TXLNB: variants seen among roughly 807,000 people sequenced by gnomAD.
The protein encoded by TXLNB is beta-taxilin.
TXLNB carries 37 observed loss-of-function variants against 57.4 expected under a neutral mutation model. The ratio of observed to expected loss-of-function variants is 0.64; its 90% CI spans 0.50 to 0.85. The LOEUF (loss-of-function observed/expected upper bound fraction) is 0.85, where lower values mean the gene tolerates loss of function less well. Among genes scored for constraint, TXLNB ranks in the 40% least tolerant of loss-of-function variants. The pLI is 0.00. For missense variants in TXLNB, 848 were observed against 825.6 expected (o/e 1.03, Z -0.33); for synonymous variants, 302 against 309.6 (o/e 0.98, Z 0.26).
chr6:139,191,820 G>A, the TXLNB span, among the ~76,000 whole-genome samples: 1 of 152,126 alleles, frequency 6.6e-6, no homozygotes, highest in African/African-American at 2.4e-5. Context: ...AGCAACCACA[G>A]GGACGCGAGA....
At chr6:139,264,613 G>A (rs1222671471) in intron 4 of TXLNB, among the ~76,000 whole-genome samples, 1 of 152,186 alleles carries the variant, frequency 6.6e-6, no homozygotes, top group Non-Finnish European at 1.5e-5. Flanking sequence ...AGGCTGGAGT[G>A]CAGTGGCATG....
At chr6:139,255,355 G>A in intron 7 of TXLNB, 1 of 606,736 alleles carries the variant, frequency 1.6e-6, no homozygotes, top group Non-Finnish European at 3.1e-6. Context: ...GATGTTGCCG[G>A]CGCAGAACAT....
chr6:139,275,135 T>C (rs1029804374), intron 3 of TXLNB, among the ~76,000 whole-genome samples: 2 of 152,186 alleles, frequency 1.3e-5, no homozygotes, highest in African/African-American at 2.4e-5. Context: ...AGCCTATTTC[T>C]GGAAATTTTT....
chr6:139,307,879 C>A, the TXLNB span, among the ~76,000 whole-genome samples: 5 of 152,134 alleles, frequency 3.3e-5, no homozygotes, highest in African/African-American at 1.2e-4. Flanking sequence ...TTTATCCAGA[C>A]GTGTTTTTAC....
the TXLNB span, among the ~76,000 whole-genome samples, chr6:139,322,072 C>G: frequency 3.9e-5 from 6 of 152,086 alleles, no homozygotes; most frequent in East Asian, 7.7e-4. Flanking sequence ...GCACTCCTGG[C>G]CTCCAGCAAT....
intron 4 of TXLNB, among the ~76,000 whole-genome samples, chr6:139,266,593 A>C (rs1391878822): frequency 1.3e-5 from 2 of 152,174 alleles, no homozygotes; most frequent in African/African-American, 4.8e-5. Flanking sequence ...ACTGACTCGA[A>C]GACCTGTGGG....
At chr6:139,181,615 T>G in the TXLNB span, among the ~76,000 whole-genome samples, 1 of 152,214 alleles carries the variant, frequency 6.6e-6, no homozygotes, top group Non-Finnish European at 1.5e-5. Flanking sequence ...TTACTAGTCA[T>G]TGTTAATCTC....
At chr6:139,197,870 C>T in the TXLNB span, 42 of 152,356 alleles carry the variant, frequency 2.8e-4, no homozygotes, top group African/African-American at 1.0e-3. Context: ...TGGATTCTCA[C>T]TTGGCAGAAG....
At chr6:139,192,344 A>T in the TXLNB span, among the ~76,000 whole-genome samples, 2 of 152,212 alleles carry the variant, frequency 1.3e-5, no homozygotes, top group Non-Finnish European at 2.9e-5. Context: ...TCACCTTCTT[A>T]TGAAGCCTAC....
chr6:139,189,892 G>T, the TXLNB span, among the ~76,000 whole-genome samples: 1 of 152,140 alleles, frequency 6.6e-6, no homozygotes, highest in Non-Finnish European at 1.5e-5. Flanking sequence ...CTCCAAGTAG[G>T]CTCTCCTCTA....
downstream of TXLNB, among the ~76,000 whole-genome samples, chr6:139,235,280 T>G (rs1461414984): frequency 4.6e-5 from 7 of 152,258 alleles, no homozygotes; most frequent in East Asian, 5.8e-4. Flanking sequence ...GAGGAACACA[T>G]GCAATGCCTA....
At chr6:139,186,628 C>A in the TXLNB span, among the ~76,000 whole-genome samples, 3 of 152,112 alleles carry the variant, frequency 2.0e-5, no homozygotes, top group Admixed American at 6.5e-5. Context: ...TGCATTTATT[C>A]AAGAAATGAA....
At chr6:139,178,522 T>C in the TXLNB span, 1 of 150,242 alleles carries the variant, frequency 6.7e-6, no homozygotes, top group South Asian at 2.1e-4. Flanking sequence ...TTTTTAACTG[T>C]GTGGTTTTTC....
chr6:139,303,225 C>A, the TXLNB span, among the ~76,000 whole-genome samples: 2 of 152,088 alleles, frequency 1.3e-5, no homozygotes, highest in Non-Finnish European at 2.9e-5. Context: ...AAGAGACTTT[C>A]AGTTTAAACC....
the TXLNB span, among the ~76,000 whole-genome samples, chr6:139,224,329 G>C: frequency 6.7e-6 from 1 of 148,842 alleles, no homozygotes; most frequent in Non-Finnish European, 1.5e-5. Context: ...GATAGCATTG[G>C]GAGATATACC....
intron 2 of TXLNB, among the ~76,000 whole-genome samples, chr6:139,281,062 A>AT (rs575376463): frequency 6.6e-6 from 1 of 151,818 alleles, no homozygotes; most frequent in African/African-American, 2.4e-5. Flanking sequence ...TTATTTTTTT[A>AT]TTTTTTTATT....
At chr6:139,182,608 T>C in the TXLNB span, among the ~76,000 whole-genome samples, 8 of 152,006 alleles carry the variant, frequency 5.3e-5, no homozygotes, top group Non-Finnish European at 7.3e-5. Context: ...TGTCTTGAGC[T>C]TTTCTTCTTT....
At chr6:139,258,975 C>T (rs1360753431) in intron 6 of TXLNB, among the ~76,000 whole-genome samples, 1 of 152,186 alleles carries the variant, frequency 6.6e-6, no homozygotes, top group Non-Finnish European at 1.5e-5. Context: ...ATAAACACCA[C>T]CACTCAGTTT....
the TXLNB span, chr6:139,166,576 C>T: frequency 6.2e-7 from 1 of 1,614,244 alleles, no homozygotes; most frequent in African/African-American, 1.3e-5. Flanking sequence ...TGAAGAAGGA[C>T]ACAGACTGGT....
Sources: allele counts gnomAD v4.1 joint callset (sites outside exome capture counted in the v4.1 genomes callset), GRCh38; gene constraint gnomAD v4.1.1; transcripts MANE v1.5; gene names NCBI Gene and HGNC (gene_info 2026-07-23, HGNC 2026-07-21).